Variants in NLRP11 observed in about 807,000 individuals in gnomAD.
NLRP11 encodes the protein NACHT, LRR and PYD domains-containing protein 11.
NLRP11 carries 53 observed loss-of-function variants against 79.3 expected under a neutral mutation model. That is an observed-to-expected ratio of 0.67 (90% CI 0.54 to 0.84). The LOEUF (loss-of-function observed/expected upper bound fraction) is 0.84. NLRP11 is among the 40% of genes least tolerant of loss of function. The pLI, the probability that NLRP11 is intolerant of heterozygous loss-of-function variation, is 0.00. For synonymous variants in NLRP11, 518 were observed against 462.6 expected (o/e 1.12, Z -1.54); for missense variants, 1,264 against 1,255.0 (o/e 1.01, Z -0.11).
chr19:55,787,054 G>A (rs1043877986), intron 9 of NLRP11, among the ~76,000 whole-genome samples: 2 of 152,152 alleles, frequency 1.3e-5, no homozygotes, highest in African/African-American at 4.8e-5. Context: ...TTTTCCATTT[G>A]AGAAAAATTG....
chr19:55,797,673 C>T (rs1338370461), intron 5 of NLRP11, among the ~76,000 whole-genome samples: 7 of 152,186 alleles, frequency 4.6e-5, no homozygotes, highest in African/African-American at 1.7e-4. Context: ...ACTGAGCCAT[C>T]GTACTTGGCC....
At chr19:55,785,789 A>G (rs1989841935) in exon 10 of NLRP11, 2 of 1,614,024 alleles carry the variant, frequency 1.2e-6, no homozygotes, top group Non-Finnish European at 1.7e-6. Flanking sequence ...CAAGTTTCAG[A>G]CAGAAAGATC....
At chr19:55,819,265 CT>C (rs1263345143) in intron 1 of NLRP11, among the ~76,000 whole-genome samples, 1 of 152,104 alleles carries the variant, frequency 6.6e-6, no homozygotes, top group Admixed American at 6.5e-5. Context: ...GACCCACACA[CT>C]GTAGCCCCTG....
chr19:55,795,938 C>A, intron 6 of NLRP11, 142 bp downstream of exon 6: 1 of 707,420 alleles, frequency 1.4e-6, no homozygotes. Context: ...GAGTATTAAC[C>A]CAGACCTACT....
chr19:55,791,568 A>C (rs763698319), intron 7 of NLRP11, among the ~76,000 whole-genome samples: 1 of 152,202 alleles, frequency 6.6e-6, no homozygotes, highest in Non-Finnish European at 1.5e-5. Flanking sequence ...AGATGCTTTT[A>C]GGTTATCAGT....
exon 10 of NLRP11, chr19:55,785,863 A>G (rs777026964): frequency 5.6e-6 from 9 of 1,612,112 alleles, no homozygotes; most frequent in Non-Finnish European, 7.6e-6. Context: ...CAGGCCAGTT[A>G]ATGGAAGCCT....
At chr19:55,827,108 C>T (rs978527082) in intron 1 of NLRP11, among the ~76,000 whole-genome samples, 1 of 141,140 alleles carries the variant, frequency 7.1e-6, no homozygotes, top group African/African-American at 2.9e-5. Flanking sequence ...AGAAATAATG[C>T]CGCATACCTA....
chr19:55,790,036 C>T (rs73616992), intron 7 of NLRP11, among the ~76,000 whole-genome samples: 12,969 of 152,022 alleles, frequency 0.085, 1,255 homozygotes, highest in African/African-American at 0.24. Flanking sequence ...AGCTCTGCAC[C>T]GACTATTCAT....
At position 55,807,028 on chromosome 19, in the gene NLRP11, G is replaced by A. The variant is rs184179240; in HGVS notation, c.2003+825C>T. 5.9e-5 allele frequency among the ~76,000 whole-genome samples: 9 copies of A among 151,834 alleles called. No individual in the cohort carries two copies. In the East Asian group the frequency reaches 7.8e-4, roughly 13 times the overall value. On this transcript the variant is annotated intron_variant, in intron 4 of 9. Transcript: ENST00000589093. The stretch of plus-strand genomic sequence containing the variant: ...CTGACCTTGCCATTCTTTTCCCCCC[G>A]TAACACCATTATCCTAAAATACTTT...
upstream of NLRP11, among the ~76,000 whole-genome samples, chr19:55,833,849 C>A (rs1983015701): frequency 6.8e-6 from 1 of 147,534 alleles, no homozygotes; most frequent in South Asian, 2.2e-4. Flanking sequence ...ACCCAGAAAC[C>A]AATGTAGGCA....
chr19:55,815,520 C>T (rs1981026847), intron 2 of NLRP11, among the ~76,000 whole-genome samples: 1 of 124,970 alleles, frequency 8.0e-6, no homozygotes. Flanking sequence ...TGGAACAAGA[C>T]TCCATCTCAA....
chr19:55,789,417 G>T lies in NLRP11; in HGVS notation c.2514-18C>A. The T allele has an allele frequency of 6.2e-7, 1 of 1,603,684 alleles. No individual in the cohort carries two copies. The highest frequency in any genetic ancestry group is 8.5e-7 in the Non-Finnish European group (1 of 1,175,480). On this transcript the variant is annotated intron_variant, in intron 7 of 9. Coordinates refer to ENST00000589093, the Ensembl canonical transcript of NLRP11. ...CAGACAGACTGCAAAACAGAAACAT[G>T]AGCTAGAGTCATGACCACCTGTCTC...
Position 55,809,391 on chromosome 19 carries a change from G to C in NLRP11, c.1219C>G (p.Leu407Val). 1.9e-6 allele frequency: 3 copies of C among 1,614,186 alleles called. No homozygotes were observed. The highest frequency in any genetic ancestry group is 2.2e-5 in the South Asian group (2 of 91,084). Reference sequence around the variant, plus strand: ...TCACCACTGAAATTCAGGGTGCTCAGAAACAGTCCTCCTGCAGCCAGCAAA... The same window carrying C: ...TCACCACTGAAATTCAGGGTGCTCACAAACAGTCCTCCTGCAGCCAGCAAA... Residue 407 changes from leucine to valine, a missense_variant, in exon 3 of 10, where the codon CTG becomes GTG. By Grantham distance (32) the Leu-to-Val change is conservative. Coordinates refer to ENST00000589093, the Ensembl canonical transcript of NLRP11. The surrounding 1 kb of genome is among the most constrained non-coding windows in gnomAD (Gnocchi z 4.5).
intron 1 of NLRP11, among the ~76,000 whole-genome samples, chr19:55,821,240 CA>C (rs1981688192): frequency 7.8e-6 from 1 of 128,678 alleles, no homozygotes; most frequent in Non-Finnish European, 1.6e-5. Flanking sequence ...CACACACACA[CA>C]CACACACACC....
chr19:55,808,859 C>T (rs1290511040), exon 3 of NLRP11: 6 of 1,613,760 alleles, frequency 3.7e-6, no homozygotes, highest in Non-Finnish European at 5.1e-6. Context: ...GTAATCCAGA[C>T]AGTATAATGA....
intron 1 of NLRP11, among the ~76,000 whole-genome samples, chr19:55,822,503 G>T (rs867696704): frequency 1.3e-5 from 2 of 152,094 alleles, no homozygotes; most frequent in African/African-American, 4.8e-5. Context: ...CTGAGGTACC[G>T]GGTTCATCTC....
At chr19:55,835,053 T>C (rs1277055529), upstream of NLRP11, among the ~76,000 whole-genome samples, 1 of 152,196 alleles carries the variant, frequency 6.6e-6, no homozygotes, top group Non-Finnish European at 1.5e-5. Context: ...CCCCATCATG[T>C]CTGCTTCCCA....
At chr19:55,796,282 T>C in intron 5 of NLRP11, 32 bp from the exon 6 acceptor site, 1 of 1,548,248 alleles carries the variant, frequency 6.5e-7, no homozygotes. Flanking sequence ...GAAAAGAGGC[T>C]CCCGCGTTTA....
intron 2 of NLRP11, among the ~76,000 whole-genome samples, chr19:55,815,528 CAAAAAA>C (rs11343133): frequency 1.1e-5 from 1 of 92,826 alleles, no homozygotes; most frequent in African/African-American, 3.6e-5. Flanking sequence ...GACTCCATCT[CAAAAAA>C]AAAAAAAAAA....
Sources: gnomAD v4.1 joint callset for allele counts (sites outside exome capture counted in the v4.1 genomes callset) on GRCh38, gnomAD v4.1.1 for gene constraint, Gnocchi (gnomAD v3.1) non-coding constraint, MANE v1.5 for transcripts, NCBI Gene and HGNC (gene_info 2026-07-23, HGNC 2026-07-21) for gene names.